The following GRIK2 variants were observed in gnomAD, a reference collection of about 807,000 sequenced individuals.
The protein encoded by GRIK2 is glutamate receptor ionotropic, kainate 2.
A neutral mutation model predicts 100.3 loss-of-function variants in GRIK2; 32 were observed. That is an observed-to-expected ratio of 0.32 (90% CI 0.24 to 0.43). The LOEUF is 0.43. Ranked by LOEUF, GRIK2 falls within the 20% of genes least tolerant of loss-of-function variation. The pLI is 1.00. For synonymous variants in GRIK2, 417 were observed against 389.4 expected, an observed-to-expected ratio of 1.07 and a Z score of -0.83; for missense variants, 843 against 1,114.9, an observed-to-expected ratio of 0.76 and a Z score of 3.47.
chr6:101,468,171 G>C (rs985075554), intron 2 of GRIK2, among the ~76,000 whole-genome samples: 1 of 152,122 alleles, frequency 6.6e-6, no homozygotes, highest in African/African-American at 2.4e-5. Flanking sequence ...AGCCTCTTAG[G>C]AACTTGCATG....
chr6:101,908,054 T>C (rs1367510583), intron 12 of GRIK2, among the ~76,000 whole-genome samples: 6 of 151,634 alleles, frequency 4.0e-5, no homozygotes, highest in Non-Finnish European at 8.9e-5. Context: ...TAGTTACTGA[T>C]AGGAGCTTTT....
intron 15 of GRIK2, among the ~76,000 whole-genome samples, chr6:102,040,842 T>C (rs1390317776): frequency 6.6e-6 from 1 of 151,638 alleles, no homozygotes; most frequent in Non-Finnish European, 1.5e-5. Flanking sequence ...TCTTCATTAG[T>C]TTAACATAAT....
chr6:101,616,798 A>G (rs1562263092), intron 2 of GRIK2, among the ~76,000 whole-genome samples: 1 of 151,820 alleles, frequency 6.6e-6, no homozygotes, highest in African/African-American at 2.4e-5. Flanking sequence ...CATTTGATTC[A>G]TAAAGATTCT....
At chr6:102,041,349 A>G (rs1030638242) in intron 15 of GRIK2, among the ~76,000 whole-genome samples, 1 of 151,724 alleles carries the variant, frequency 6.6e-6, no homozygotes, top group African/African-American at 2.4e-5. Context: ...CCATGGCTTC[A>G]AATTTTACTT....
intron 3 of GRIK2, among the ~76,000 whole-genome samples, chr6:101,623,246 C>A (rs1267555607): frequency 6.6e-6 from 1 of 151,934 alleles, no homozygotes. Context: ...CTTCTTTTCC[C>A]CCAGCAGCTA....
intron 4 of GRIK2, among the ~76,000 whole-genome samples, chr6:101,646,682 C>T (rs1026475419): frequency 6.6e-6 from 1 of 151,786 alleles, no homozygotes; most frequent in Non-Finnish European, 1.5e-5. Flanking sequence ...AAGATATCAC[C>T]ACAGGCAATT....
At chr6:101,991,776 A>AAAT (rs1380610540) in intron 14 of GRIK2, among the ~76,000 whole-genome samples, 2 of 151,556 alleles carry the variant, frequency 1.3e-5, no homozygotes, top group Admixed American at 1.3e-4. Context: ...GCAGCATGCA[A>AAAT]ATTTCTGCAT....
intron 7 of GRIK2, among the ~76,000 whole-genome samples, chr6:101,773,422 G>A (rs1432224256): frequency 6.7e-6 from 1 of 149,116 alleles, no homozygotes; most frequent in African/African-American, 2.5e-5. Context: ...GGAGGTTGCA[G>A]TGAGCCGAGA....
At position 102,049,446 on chromosome 6, in the gene GRIK2, G is replaced by A. The variant is rs116988587; in HGVS notation, c.2312-5884G>A. On this transcript the variant is annotated intron_variant, in intron 15 of 16. Transcript: ENST00000369134. ...AATTTAAAAGAAAAGAATTTATGGG[G>A]ACATTAATAAGCGAGAGGGAAAAAT... is the stretch of plus-strand genomic sequence containing the variant. Among the ~76,000 whole-genome samples the A allele has an allele frequency of 4.1e-3, 625 of 152,190 alleles. 8 individuals carry two copies. In the East Asian group the frequency reaches 0.057, roughly 14 times the overall value.
chr6:101,675,581 CT>C (rs1770776646), intron 4 of GRIK2, among the ~76,000 whole-genome samples: 1 of 151,938 alleles, frequency 6.6e-6, no homozygotes, highest in Non-Finnish European at 1.5e-5. Context: ...TATAGTGGAT[CT>C]TTTGTGTCAG....
At chr6:101,791,059 T>C (rs1204632599) in intron 7 of GRIK2, among the ~76,000 whole-genome samples, 2 of 152,142 alleles carry the variant, frequency 1.3e-5, no homozygotes, top group Non-Finnish European at 2.9e-5. Context: ...TGATATCCCT[T>C]TTATCATTTT....
chr6:101,948,112 A>G (rs1489388650), intron 14 of GRIK2, among the ~76,000 whole-genome samples: 2 of 152,138 alleles, frequency 1.3e-5, no homozygotes, highest in Non-Finnish European at 2.9e-5. Flanking sequence ...TATTCCTATT[A>G]CCTTTAAATT....
chr6:101,668,309 T>A (rs1434488252), intron 4 of GRIK2, among the ~76,000 whole-genome samples: 1 of 152,170 alleles, frequency 6.6e-6, no homozygotes, highest in Admixed American at 6.6e-5. Flanking sequence ...AAGGAGAGAA[T>A]GGCTGATAAA....
chr6:101,847,077 G>A (rs1783855865), intron 10 of GRIK2, among the ~76,000 whole-genome samples: 2 of 151,170 alleles, frequency 1.3e-5, no homozygotes, highest in African/African-American at 4.9e-5. Context: ...TTTCTATGGT[G>A]TAAATTTATG....
chr6:102,035,905 C>A (rs34170304), intron 15 of GRIK2, among the ~76,000 whole-genome samples: 2 of 151,134 alleles, frequency 1.3e-5, no homozygotes, highest in Non-Finnish European at 3.0e-5. Context: ...TAACAATTTA[C>A]TTTTTTAAAT....
At chr6:101,750,866 T>A (rs1776744263) in intron 7 of GRIK2, among the ~76,000 whole-genome samples, 1 of 152,214 alleles carries the variant, frequency 6.6e-6, no homozygotes, top group Non-Finnish European at 1.5e-5. Flanking sequence ...CATTCACCGC[T>A]TTTTAACTTA....
At chr6:101,436,671 T>C (rs980485794) in intron 2 of GRIK2, among the ~76,000 whole-genome samples, 12 of 152,004 alleles carry the variant, frequency 7.9e-5, no homozygotes, top group African/African-American at 2.9e-4. Flanking sequence ...GTTCATTTTA[T>C]GTATAAATCT....
At chr6:101,844,086 G>A (rs534931044) in intron 10 of GRIK2, among the ~76,000 whole-genome samples, 2 of 151,942 alleles carry the variant, frequency 1.3e-5, no homozygotes, top group Non-Finnish European at 2.9e-5. Flanking sequence ...TAATTTTACA[G>A]GGTGTAATCA....
At chr6:101,610,353 C>T in intron 2 of GRIK2, among the ~76,000 whole-genome samples, 1 of 151,688 alleles carries the variant, frequency 6.6e-6, no homozygotes, top group African/African-American at 2.4e-5. Flanking sequence ...TGCTAGCCAT[C>T]TTTTAAATTA....
Sources: allele counts gnomAD v4.1 joint callset (sites outside exome capture counted in the v4.1 genomes callset), GRCh38; gene constraint gnomAD v4.1.1; transcripts MANE v1.5; gene names NCBI Gene and HGNC (gene_info 2026-07-23, HGNC 2026-07-21).